The following FMN1 variants were observed in gnomAD, a reference collection of about 807,000 sequenced individuals.
FMN1 encodes the protein formin 1, also known as formin-1.
Under a neutral mutation model 132.4 loss-of-function variants are expected in FMN1, and 110 were observed. The ratio of observed to expected loss-of-function variants is 0.83; its 90% CI spans 0.71 to 0.97. The LOEUF is 0.97. Ranked by LOEUF, FMN1 falls within the 50% of genes least tolerant of loss-of-function variation. The pLI is 0.00. For missense variants in FMN1, 1,792 were observed against 1,705.3 expected (o/e 1.05, Z -0.90); for synonymous variants, 722 against 651.7 (o/e 1.11, Z -1.64).
At chr15:32,938,951 G>A (rs1013938442) in intron 9 of FMN1, among the ~76,000 whole-genome samples, 2 of 152,008 alleles carry the variant, frequency 1.3e-5, no homozygotes, top group Non-Finnish European at 2.9e-5. Context: ...TAAATAAGAC[G>A]AAAAAAGATT....
chr15:32,963,357 T>TG (rs71454521), intron 9 of FMN1, among the ~76,000 whole-genome samples: 6 of 45,018 alleles, frequency 1.3e-4, no homozygotes, highest in African/African-American at 2.4e-4. Flanking sequence ...GTCGGGGGGG[T>TG]GGGGGGAGGG....
chr15:32,770,845 T>A lies in FMN1; in HGVS notation c.*3465A>T, dbSNP rs2056211032. ...TCAGATTTCAGAAAATCTTTATAATTCCTGAGTAGTTGCAGTGAGTGTGTA... is the reference window on the plus strand; with the variant it reads ...TCAGATTTCAGAAAATCTTTATAATACCTGAGTAGTTGCAGTGAGTGTGTA... On this transcript the variant is annotated 3_prime_UTR_variant, in exon 21 of 21. Transcript: ENST00000616417. The A allele has an allele frequency of 6.6e-6, 1 of 151,966 alleles. No individual in the cohort carries two copies. The highest frequency in any genetic ancestry group is 2.4e-5 in the African/African-American group (1 of 41,388). 9.4% of individuals were successfully genotyped at this position (151,966 alleles called of 1,614,324 possible). A position where few individuals can be genotyped will look rare whatever the true frequency, so the allele number is the denominator to read the frequency against.
intron 4 of FMN1, among the ~76,000 whole-genome samples, chr15:33,116,231 G>A (rs974546337): frequency 2.0e-5 from 3 of 151,388 alleles, no homozygotes; most frequent in Admixed American, 6.6e-5. Context: ...ACCTAGTCTA[G>A]GAAGCATAAT....
chr15:32,999,119 C>G (rs1319451322), intron 7 of FMN1, among the ~76,000 whole-genome samples: 1 of 152,196 alleles, frequency 6.6e-6, no homozygotes, highest in Non-Finnish European at 1.5e-5. Context: ...TAATGAATTA[C>G]ACTAATATCA....
At chr15:32,776,654 T>C in intron 20 of FMN1, among the ~76,000 whole-genome samples, 181 bp downstream of exon 20, 1 of 151,786 alleles carries the variant, frequency 6.6e-6, no homozygotes, top group Admixed American at 6.6e-5. Context: ...GAAAAACATA[T>C]AAAGCTATGT....
intron 15 of FMN1, among the ~76,000 whole-genome samples, chr15:32,889,337 T>C (rs866391268): frequency 1.3e-5 from 2 of 152,244 alleles, no homozygotes; most frequent in South Asian, 2.1e-4. Context: ...ACGTAAGCTT[T>C]GTATCTTGCA....
chr15:32,783,666 C>G (rs2056744611), intron 19 of FMN1, among the ~76,000 whole-genome samples: 1 of 141,472 alleles, frequency 7.1e-6, no homozygotes, highest in Non-Finnish European at 1.5e-5. Context: ...TGGCGTGAAC[C>G]CGGGGTCGGG....
chr15:33,013,192 A>G (rs1356931746), intron 6 of FMN1: 1 of 331,070 alleles, frequency 3.0e-6, no homozygotes, highest in African/African-American at 2.2e-5. Flanking sequence ...AGCTGCTACA[A>G]AGAAGACATG....
At chr15:32,899,721 C>T in intron 14 of FMN1, 1 of 515,010 alleles carries the variant, frequency 1.9e-6, no homozygotes, top group Non-Finnish European at 3.4e-6. Context: ...CAGTTCAATA[C>T]CTGATTGTGT....
intron 11 of FMN1, among the ~76,000 whole-genome samples, chr15:32,908,872 C>T (rs1215220943): frequency 6.6e-6 from 1 of 152,174 alleles, no homozygotes; most frequent in Non-Finnish European, 1.5e-5. Context: ...CACAGAAGTA[C>T]AGCTATTTGA....
intron 9 of FMN1, among the ~76,000 whole-genome samples, chr15:32,955,642 G>A (rs1344625097): frequency 2.6e-5 from 4 of 152,128 alleles, no homozygotes; most frequent in African/African-American, 7.2e-5. Context: ...TTCCCTCAAC[G>A]AGAAGATAAA....
chr15:32,902,171 G>T, intron 12 of FMN1, 131 bp from the exon 13 acceptor site: 2 of 754,044 alleles, frequency 2.7e-6, no homozygotes, highest in South Asian at 4.3e-5. Context: ...GTGTCACATA[G>T]GTAGACTCAA....
At chr15:33,063,993 G>A (rs919582348) in intron 6 of FMN1, 4 of 152,156 alleles carry the variant, frequency 2.6e-5, no homozygotes, top group Admixed American at 1.3e-4. Flanking sequence ...AGTAACCAAT[G>A]CCCTGCAGAA....
chr15:33,102,110 T>TAC (rs1253247382), intron 4 of FMN1, among the ~76,000 whole-genome samples: 1 of 152,074 alleles, frequency 6.6e-6, no homozygotes, highest in African/African-American at 2.4e-5. Context: ...TGTATGATAC[T>TAC]ACAGCATGTG....
At position 32,838,701 on chromosome 15, in the gene FMN1, C is replaced by T. The variant is rs2058680606; in HGVS notation, c.3928+18314G>A. ...ACCCTACAGATCTCTATGCCTTGGT[C>T]CTACTTCCTGCTCATTAAAAAATGG... On this transcript the variant is annotated intron_variant, in intron 17 of 20. Transcript: ENST00000616417. Among the ~76,000 whole-genome samples, 3 of 152,304 alleles carry T rather than the reference C, an allele frequency of 2.0e-5. No homozygotes were observed. The South Asian group carries it at 6.2e-4, about 32-fold the overall frequency.
At chr15:33,002,353 A>C (rs1326588076) in intron 7 of FMN1, among the ~76,000 whole-genome samples, 1 of 152,134 alleles carries the variant, frequency 6.6e-6, no homozygotes, top group Non-Finnish European at 1.5e-5. Flanking sequence ...TTTCCCACTC[A>C]CTATCTTCCA....
intron 16 of FMN1, among the ~76,000 whole-genome samples, chr15:32,885,091 C>T (rs1028964605): frequency 6.6e-6 from 1 of 152,204 alleles, no homozygotes; most frequent in African/African-American, 2.4e-5. Flanking sequence ...CAAGCTGTTA[C>T]TTTCACTGAA....
chr15:33,146,970 C>T (rs1427952706), intron 4 of FMN1, among the ~76,000 whole-genome samples: 1 of 151,954 alleles, frequency 6.6e-6, no homozygotes, highest in Non-Finnish European at 1.5e-5. Flanking sequence ...GTCAGGAGTT[C>T]AAGACGAGCC....
intron 7 of FMN1, among the ~76,000 whole-genome samples, chr15:33,001,560 C>G (rs2034108259): frequency 8.1e-6 from 1 of 123,702 alleles, no homozygotes; most frequent in Admixed American, 8.3e-5. Flanking sequence ...TCCTCCTCCT[C>G]CCACTTCCCC....
Sources: gnomAD v4.1 joint callset for allele counts (sites outside exome capture counted in the v4.1 genomes callset) on GRCh38, gnomAD v4.1.1 for gene constraint, MANE v1.5 for transcripts, NCBI Gene and HGNC (gene_info 2026-07-23, HGNC 2026-07-21) for gene names.